The following PROSER1 variants were observed in gnomAD, a reference collection of about 807,000 sequenced individuals.
The protein encoded by PROSER1 is proline and serine rich 1, also known as proline and serine-rich protein 1.
Under a neutral mutation model 71.8 loss-of-function variants are expected in PROSER1, and 36 were observed. The observed-to-expected ratio is 0.50, with a 90% CI of 0.38 to 0.66. PROSER1 has a LOEUF of 0.66. Among genes scored for constraint, PROSER1 ranks in the 30% least tolerant of loss-of-function variants. PROSER1 has a pLI of 0.00. For missense variants in PROSER1, 1,107 were observed against 1,135.0 expected (o/e 0.98, Z 0.35); for synonymous variants, 490 against 452.4 (o/e 1.08, Z -1.06).
intron 1 of PROSER1, among the ~76,000 whole-genome samples, chr13:39,035,412 A>C (rs1407231161): frequency 1.3e-5 from 2 of 152,094 alleles, no homozygotes; most frequent in African/African-American, 4.8e-5. Flanking sequence ...CTTACCACCT[A>C]GGGAGTCTTG....
At chr13:39,033,981 A>G in intron 2 of PROSER1, 150 bp downstream of exon 2, 2 of 552,952 alleles carry the variant, frequency 3.6e-6, no homozygotes, top group Non-Finnish European at 6.4e-6. Flanking sequence ...TAAATTCTGT[A>G]GAGTTTTCTG....
At chr13:39,030,021 G>A (rs892234035) in intron 3 of PROSER1, among the ~76,000 whole-genome samples, 46 of 152,294 alleles carry the variant, frequency 3.0e-4, no homozygotes, top group African/African-American at 1.1e-3. Context: ...TATGTTAATA[G>A]TGAAGGAAAA....
At chr13:39,023,765 C>T (rs890093033) in intron 7 of PROSER1, 2 of 152,404 alleles carry the variant, frequency 1.3e-5, no homozygotes, top group Admixed American at 1.3e-4. Context: ...AAGCACTGGT[C>T]TTTAGAAAAC....
At chr13:39,026,593 T>C (rs371236186) in intron 5 of PROSER1, 8 of 460,154 alleles carry the variant, frequency 1.7e-5, no homozygotes, top group African/African-American at 1.4e-4. Flanking sequence ...ATGGTTAACA[T>C]AATAATGCTG....
Position 39,012,102 on chromosome 13 carries a change from T to C in PROSER1, c.2693A>G (p.Gln898Arg), listed in dbSNP as rs1869688579. The stretch of plus-strand genomic sequence containing the variant: ...GCTTACCTGCTGTAACAATGCTGAC[T>C]GCGCAGCCGCATTATGCTGTAATTC... Reference protein sequence around the residue: ...LQELQHNAAAQSALLQQVHSA... With the variant: ...LQELQHNAAARSALLQQVHSA... Residue 898 changes from glutamine to arginine, a missense_variant, in exon 12 of 13, where the codon CAG (glutamine) becomes CGG (arginine). Coordinates refer to ENST00000352251, the MANE Select transcript of PROSER1 (RefSeq NM_025138.5). The C allele has an allele frequency of 6.2e-7, 1 of 1,613,762 alleles. No individual in the cohort carries two copies. Among genetic ancestry groups the C allele is most frequent in the African/African-American group, 1.3e-5 (1 of 74,914 alleles).
intron 12 of PROSER1, among the ~76,000 whole-genome samples, chr13:39,011,746 G>A (rs960614933): frequency 6.6e-6 from 1 of 152,172 alleles, no homozygotes; most frequent in African/African-American, 2.4e-5. Flanking sequence ...CAGATAATGT[G>A]CTTTAACGGT....
intron 9 of PROSER1, among the ~76,000 whole-genome samples, chr13:39,019,633 T>TG (rs1870196251): frequency 6.6e-6 from 1 of 151,602 alleles, no homozygotes; most frequent in Non-Finnish European, 1.5e-5. Flanking sequence ...TCATTGGCGA[T>TG]ATTAGAGAAA....
intron 2 of PROSER1, 200 bp from the exon 3 acceptor site, chr13:39,031,831 A>T: frequency 1.9e-6 from 1 of 523,548 alleles, no homozygotes; most frequent in East Asian, 3.3e-5. Flanking sequence ...AATAAAATGT[A>T]AAAATCAGTT....
chr13:39,028,840 G>A (rs1441508353), intron 4 of PROSER1, among the ~76,000 whole-genome samples: 2 of 151,582 alleles, frequency 1.3e-5, no homozygotes, highest in African/African-American at 4.8e-5. Flanking sequence ...GTCAAATGCT[G>A]TGGTAGGTGC....
At chr13:39,020,273 C>A (rs538978857) in intron 9 of PROSER1, among the ~76,000 whole-genome samples, 3 of 151,922 alleles carry the variant, frequency 2.0e-5, no homozygotes, top group Admixed American at 6.6e-5. Context: ...ACCAGCTTGA[C>A]GTGATATAAA....
At chr13:39,025,310 T>C (rs1377987725) in intron 6 of PROSER1, among the ~76,000 whole-genome samples, 5 of 152,152 alleles carry the variant, frequency 3.3e-5, no homozygotes, top group Non-Finnish European at 7.3e-5. Context: ...TAACACTGTG[T>C]GTGGCTAAAT....
At chr13:39,031,725 C>T in intron 2 of PROSER1, 94 bp from the exon 3 acceptor site, 1 of 1,058,294 alleles carries the variant, frequency 9.4e-7, no homozygotes, top group Non-Finnish European at 1.5e-6. Flanking sequence ...ACACGTGCAG[C>T]CCAGGCCCAG....
At chr13:39,034,844 G>A (rs1245490102) in intron 1 of PROSER1, among the ~76,000 whole-genome samples, 1 of 152,220 alleles carries the variant, frequency 6.6e-6, no homozygotes, top group Non-Finnish European at 1.5e-5. Context: ...GTGGACATTA[G>A]ATGTGACATA....
intron 1 of PROSER1, 124 bp downstream of exon 1, chr13:39,037,074 A>G (rs7318688): frequency 0.17 from 122,397 of 712,048 alleles, 12,195 homozygotes; most frequent in African/African-American, 0.34. Flanking sequence ...TTACACGTGA[A>G]AATTCAAACC....
rs529221248 is a variant in PROSER1 at position 39,026,270 on chromosome 13, T to C, written c.480+7A>G. The C allele has an allele frequency of 3.9e-6, 6 of 1,557,524 alleles. No homozygotes were observed. Among genetic ancestry groups the C allele is most frequent in the African/African-American group, 2.7e-5 (2 of 73,796 alleles). On this transcript the variant is annotated splice_region_variant and intron_variant, in intron 6 of 12. Transcript: ENST00000352251. The stretch of plus-strand genomic sequence containing the variant: ...AGTTTCATATACAGCTACAGAAGTA[T>C]GCTTACTGGGAAAATTCCATTTATG...
rs999762807 is a variant in PROSER1 at position 39,037,632 on chromosome 13, T to C, written c.-390A>G. ...CCAGAGGTAGCTCTTGAAGGCGCTTTCCCAGGTGGAGCGGCCGGCAGAGTA... is the reference window on the plus strand; with the variant it reads ...CCAGAGGTAGCTCTTGAAGGCGCTTCCCCAGGTGGAGCGGCCGGCAGAGTA... On this transcript the variant is annotated 5_prime_UTR_variant, in exon 1 of 13. Transcript: ENST00000352251. 5.9e-6 allele frequency: 1 copy of C among 168,484 alleles called. No homozygotes were observed. Among genetic ancestry groups the C allele is most frequent in the Non-Finnish European group, 1.3e-5 (1 of 78,980 alleles). The allele number at this position is 168,484 out of a possible 1,614,324, so 10.4% of individuals were successfully genotyped here.
chr13:39,028,306 G>A lies in PROSER1; in HGVS notation c.290C>T (p.Ala97Val). 1 of 1,588,858 alleles carries A rather than the reference G, an allele frequency of 6.3e-7. No individual in the cohort carries two copies. The highest frequency in any genetic ancestry group is 8.6e-7 in the Non-Finnish European group (1 of 1,158,256). Reference protein sequence around the residue: ...LELLASNIIDAQNSRPIEDLF... With the variant: ...LELLASNIIDVQNSRPIEDLF... ...ATCTTCAATAGGACGAGAATTCTGT[G>A]CATCAATAATGTTCCTACCAAGAAA... Residue 97 changes from alanine to valine, a missense_variant, in exon 5 of 13, where the codon GCA becomes GTA. Transcript: ENST00000352251.
At chr13:39,036,402 A>G (rs1267119542) in intron 1 of PROSER1, among the ~76,000 whole-genome samples, 1 of 152,210 alleles carries the variant, frequency 6.6e-6, no homozygotes, top group East Asian at 1.9e-4. Flanking sequence ...GTTTCAGTCA[A>G]GGGTCGTAAA....
intron 3 of PROSER1, 49 bp downstream of exon 3, chr13:39,031,514 T>C (rs779053164): frequency 1.6e-5 from 22 of 1,337,040 alleles, no homozygotes; most frequent in Non-Finnish European, 2.3e-5. Context: ...ACTGGGAGAA[T>C]TAAAAATACT....
Sources: gnomAD v4.1 joint callset for allele counts (sites outside exome capture counted in the v4.1 genomes callset) on GRCh38, gnomAD v4.1.1 for gene constraint, MANE v1.5 for transcripts, NCBI Gene and HGNC (gene_info 2026-07-23, HGNC 2026-07-21) for gene names.